NRSN2: variants seen among roughly 807,000 people sequenced by gnomAD.
The protein encoded by NRSN2 is neurensin 2, also known as neurensin-2.
A neutral mutation model predicts 11.1 loss-of-function variants in NRSN2; 10 were observed. That is an observed-to-expected ratio of 0.90 (90% CI 0.56 to 1.53). The LOEUF (loss-of-function observed/expected upper bound fraction) is 1.53. Ranked by LOEUF, NRSN2 falls within the 40% of genes most tolerant of loss-of-function variation. The pLI, the probability that NRSN2 is intolerant of heterozygous loss-of-function variation, is 0.00. For missense variants in NRSN2, 260 were observed against 273.7 expected (o/e 0.95, Z 0.35); for synonymous variants, 100 against 117.0 (o/e 0.86, Z 0.94).
chr20:349,498 A>G, intron 3 of NRSN2, 135 bp downstream of exon 3: 1 of 631,642 alleles, frequency 1.6e-6, no homozygotes, highest in Admixed American at 3.1e-5. Flanking sequence ...CCAAAAGGCC[A>G]GACTGTGCTA....
At position 349,637 on chromosome 20, in the gene NRSN2, G is replaced by A. The variant is rs772699861; in HGVS notation, c.-6-1G>A. ...TCAGCTGCACCTTACCTGCTCCCCA[G>A]GGGTCCATGATGCCGAGCTGCAATC... is the stretch of plus-strand genomic sequence containing the variant. On this transcript the variant is annotated splice_acceptor_variant, in intron 3 of 4. Coordinates refer to ENST00000382285, the MANE Select transcript of NRSN2 (RefSeq NM_001323682.2). LOFTEE classifies it low-confidence loss of function (5UTR_SPLICE). 3.1e-6 allele frequency: 5 copies of A among 1,607,832 alleles called. No homozygotes were observed. Among genetic ancestry groups the A allele is most frequent in the African/African-American group, 2.7e-5 (2 of 74,938 alleles).
chr20:353,775 C>T lies in NRSN2; in HGVS notation c.*140C>T. On this transcript the variant is annotated 3_prime_UTR_variant, in exon 5 of 5. Transcript: ENST00000382285. ...TCCAGGTCAAATCTGGAGCTCAAATCCCAGTGCTCCCTCCCCAGGAGTGGG... is the reference window on the plus strand; with the variant it reads ...TCCAGGTCAAATCTGGAGCTCAAATTCCAGTGCTCCCTCCCCAGGAGTGGG... The T allele has an allele frequency of 1.2e-6, 1 of 869,464 alleles. No homozygotes were observed. The highest frequency in any genetic ancestry group is 1.7e-6 in the Non-Finnish European group (1 of 583,924). The allele number at this position is 869,464 out of a possible 1,614,324, so 53.9% of individuals were successfully genotyped here.
At chr20:352,282 A>G (rs936181931) in intron 4 of NRSN2, among the ~76,000 whole-genome samples, 1 of 152,198 alleles carries the variant, frequency 6.6e-6, no homozygotes, top group Non-Finnish European at 1.5e-5. Flanking sequence ...AGTGCCTGCT[A>G]TGGGCATAGC....
chr20:352,679 C>T (rs2014061816), intron 4 of NRSN2, among the ~76,000 whole-genome samples: 1 of 152,250 alleles, frequency 6.6e-6, no homozygotes, highest in African/African-American at 2.4e-5. Context: ...TGAGCCAAAA[C>T]AGGCACAGTC....
In NRSN2 at chr20:349,733, C is replaced by G; in HGVS notation, c.90C>G (p.His30Gln). 6.2e-7 allele frequency: 1 copy of G among 1,613,548 alleles called. No homozygotes were observed. Among genetic ancestry groups the G allele is most frequent in the Non-Finnish European group, 8.5e-7 (1 of 1,180,014 alleles). The change falls in exon 4 of 5, where the codon CAC becomes CAG. Residue 30 changes from histidine (H) to glutamine (Q), a missense_variant. Transcript: ENST00000382285. ...GGTATGGGGTCCGCTCCTACCTGCA[C>G]CTCTTCTATGAGGACTGTGCAGGCA... ...GKWYGVRSYL[H>Q]LFYEDCAGTA... is the part of the protein sequence containing the mutation.
Position 353,846 on chromosome 20 carries a change from A to C in NRSN2, c.*211A>C. Reference sequence around the variant, plus strand: ...CCAGCATTCCTCAAGTCCTCCCAAAACTTCCTACCCACACCCTCTTCCCAA... The same window carrying C: ...CCAGCATTCCTCAAGTCCTCCCAAACCTTCCTACCCACACCCTCTTCCCAA... On this transcript the variant is annotated 3_prime_UTR_variant, in exon 5 of 5. Transcript: ENST00000382285. 1 of 566,032 alleles carries C rather than the reference A, an allele frequency of 1.8e-6. No homozygotes were observed. Among genetic ancestry groups the C allele is most frequent in the East Asian group, 3.1e-5 (1 of 32,216 alleles). The allele number at this position is 566,032 out of a possible 1,614,324, so 35.1% of individuals were successfully genotyped here.
intron 4 of NRSN2, 111 bp downstream of exon 4, chr20:349,943 GCA>G: frequency 1.0e-6 from 1 of 970,320 alleles, no homozygotes; most frequent in East Asian, 2.6e-5. Flanking sequence ...TAGGAGTCTT[GCA>G]CAGTCAAGCA....
Position 353,464 on chromosome 20 carries a change from A to G in NRSN2, c.444A>G (p.Ala148=). 1 of 1,614,172 alleles carries G rather than the reference A, an allele frequency of 6.2e-7. No homozygotes were observed. Among genetic ancestry groups the G allele is most frequent in the East Asian group, 2.2e-5 (1 of 44,880 alleles). The change falls in exon 5 of 5, where the codon GCA becomes GCG. Residue 148 remains alanine, a synonymous_variant. Transcript: ENST00000382285. ...GCTGGCTGAGCCAGGACACCAAGGC[A>G]GAGCCCTTGGACCCCGAAGCCGACA... ...MIGWLSQDTK[A]EPLDPEADSH... is the part of the protein sequence containing the mutation.
Position 353,776 on chromosome 20 carries a change from C to A in NRSN2, c.*141C>A. The A allele has an allele frequency of 1.1e-6, 1 of 872,242 alleles. No homozygotes were observed. The highest frequency in any genetic ancestry group is 1.7e-6 in the Non-Finnish European group (1 of 586,582). 54.0% of individuals were successfully genotyped at this position (872,242 alleles called of 1,614,324 possible). The stretch of plus-strand genomic sequence containing the variant: ...CCAGGTCAAATCTGGAGCTCAAATC[C>A]CAGTGCTCCCTCCCCAGGAGTGGGG... On this transcript the variant is annotated 3_prime_UTR_variant, in exon 5 of 5. Coordinates refer to ENST00000382285, the MANE Select transcript of NRSN2 (RefSeq NM_001323682.2).
Position 353,699 on chromosome 20 carries a change from T to G in NRSN2, c.*64T>G. The G allele has an allele frequency of 4.6e-6, 7 of 1,512,226 alleles. No homozygotes were observed. The highest frequency in any genetic ancestry group is 6.3e-6 in the Non-Finnish European group (7 of 1,112,534). The allele number at this position is 1,512,226 out of a possible 1,614,324, so 93.7% of individuals were successfully genotyped here. A position where few individuals can be genotyped will look rare whatever the true frequency, so the allele number is the denominator to read the frequency against. On this transcript the variant is annotated 3_prime_UTR_variant, in exon 5 of 5. Transcript: ENST00000382285. ...CCCCCCTTCTCACCATAACCCCCTC[T>G]CAGTGTTTCCCCAACTTCTCCCTTT...
At chr20:350,646 C>CAAAAAA (rs56188179) in intron 4 of NRSN2, among the ~76,000 whole-genome samples, 694 of 39,360 alleles carry the variant, frequency 0.018, no homozygotes, top group East Asian at 0.021. Flanking sequence ...GACTCTGTCT[C>CAAAAAA]AAAAAAAAAA....
At chr20:349,928 G>C in intron 4 of NRSN2, 96 bp downstream of exon 4, 2 of 1,188,686 alleles carry the variant, frequency 1.7e-6, no homozygotes, top group Non-Finnish European at 2.4e-6. Context: ...AGATAGCGTA[G>C]TAGTTAGGAG....
At chr20:351,923 C>T (rs965457620) in intron 4 of NRSN2, among the ~76,000 whole-genome samples, 1 of 152,144 alleles carries the variant, frequency 6.6e-6, no homozygotes, top group Non-Finnish European at 1.5e-5. Flanking sequence ...ATACACTTAC[C>T]ACTTTGCACA....
rs1341086299 is a variant in NRSN2 at position 353,598 on chromosome 20, C to A, written c.578C>A (p.Ser193Tyr). 1.9e-6 allele frequency: 3 copies of A among 1,614,100 alleles called. No homozygotes were observed. The highest frequency in any genetic ancestry group is 1.3e-5 in the African/African-American group (1 of 74,946). ...CCACCCGCCAGCCCCTTTGGGCAAT[C>A]TTCTGTGCAGACTATCCAGCCCAAG... ...FSPPASPFGQSSVQTIQPKRD... is the reference protein window; with the variant it reads ...FSPPASPFGQYSVQTIQPKRD... The change falls in exon 5 of 5, where the codon TCT becomes TAT. Residue 193 changes from serine to tyrosine, a missense_variant. By Grantham distance (144) the Ser-to-Tyr change is moderately radical. Transcript: ENST00000382285.
intron 4 of NRSN2, among the ~76,000 whole-genome samples, chr20:351,205 C>A (rs1430065626): frequency 6.6e-6 from 1 of 151,812 alleles, no homozygotes; most frequent in East Asian, 1.9e-4. Flanking sequence ...CTCCAGCCTG[C>A]ACAACAAGAG....
At position 349,774 on chromosome 20, in the gene NRSN2, AC is replaced by A; in HGVS notation, c.134del (p.Pro45LeufsTer36). 6.2e-7 allele frequency: 1 copy of A among 1,613,314 alleles called. No homozygotes were observed. Among genetic ancestry groups the A allele is most frequent in the Non-Finnish European group, 8.5e-7 (1 of 1,179,976 alleles). ...TGTGCAGGCACTGCTCTCAGCGACGACCCTGAGGGACCTCCGGTCCTGTGCC... is the reference window on the plus strand; with the variant it reads ...TGTGCAGGCACTGCTCTCAGCGACGACCTGAGGGACCTCCGGTCCTGTGCC... ...EDCAGTALSD[D>X]PEGPPVLCPR... is the part of the protein sequence containing the mutation. On this transcript the variant is annotated frameshift_variant, in exon 4 of 5. Transcript: ENST00000382285. LOFTEE classifies it high-confidence loss of function.
At position 353,721 on chromosome 20, in the gene NRSN2, CT is replaced by C; in HGVS notation, c.*90del. On this transcript the variant is annotated 3_prime_UTR_variant, in exon 5 of 5. Coordinates refer to ENST00000382285, the MANE Select transcript of NRSN2 (RefSeq NM_001323682.2). ...CTCTCAGTGTTTCCCCAACTTCTCC[CT>C]TTTAGCAGGGTCCCTTTAGAGCCCA... The C allele has an allele frequency of 7.1e-7, 1 of 1,403,090 alleles. No individual in the cohort carries two copies. Among genetic ancestry groups the C allele is most frequent in the South Asian group, 1.3e-5 (1 of 79,460 alleles). 86.9% of individuals were successfully genotyped at this position (1,403,090 alleles called of 1,614,324 possible).
Position 353,678 on chromosome 20 carries a change from C to T in NRSN2, c.*43C>T. 1 of 1,574,336 alleles carries T rather than the reference C, an allele frequency of 6.4e-7. No individual in the cohort carries two copies. Among genetic ancestry groups the T allele is most frequent in the Non-Finnish European group, 8.6e-7 (1 of 1,156,222 alleles). On this transcript the variant is annotated 3_prime_UTR_variant, in exon 5 of 5. Coordinates refer to ENST00000382285, the MANE Select transcript of NRSN2 (RefSeq NM_001323682.2). ...AGATGTGGGTCCTGGATCCTTCCCC[C>T]CTTCTCACCATAACCCCCTCTCAGT...
chr20:353,276 G>A lies in NRSN2; in HGVS notation c.256G>A (p.Val86Met), dbSNP rs2014123520. The change falls in exon 5 of 5, where the codon GTG becomes ATG. Residue 86 changes from valine (V) to methionine (M), a missense_variant. Coordinates refer to ENST00000382285, the MANE Select transcript of NRSN2 (RefSeq NM_001323682.2). ...GGCGGCTCTGACCACTGGCTATGCA[G>A]TGCCCCCCAAGCTGGAGGGCATCGG... is the stretch of plus-strand genomic sequence containing the variant. ...GVAALTTGYA[V>M]PPKLEGIGEG... 6.2e-7 allele frequency: 1 copy of A among 1,614,006 alleles called. No individual in the cohort carries two copies. The highest frequency in any genetic ancestry group is 1.3e-5 in the African/African-American group (1 of 74,922).
Sources: allele counts gnomAD v4.1 joint callset (sites outside exome capture counted in the v4.1 genomes callset), GRCh38; gene constraint gnomAD v4.1.1; transcripts MANE v1.5; gene names NCBI Gene and HGNC (gene_info 2026-07-23, HGNC 2026-07-21).